The following PRRX2 variants were observed in gnomAD, a reference collection of about 807,000 sequenced individuals.
The protein encoded by PRRX2 is paired mesoderm homeobox protein 2.
In PRRX2, 11 loss-of-function variants were observed where a neutral mutation model predicts 18.0. The observed-to-expected ratio is 0.61, with a 90% CI of 0.39 to 1.01. PRRX2 has a LOEUF of 1.01. Ranked by LOEUF, PRRX2 falls within the 50% of genes least tolerant of loss-of-function variation. The pLI is 0.01. For missense variants in PRRX2, 387 were observed against 351.0 expected, an observed-to-expected ratio of 1.10 and a Z score of -0.82; for synonymous variants, 177 against 154.8, an observed-to-expected ratio of 1.14 and a Z score of -1.06.
At chr9:129,718,364 C>T (rs1832741758) in intron 1 of PRRX2, among the ~76,000 whole-genome samples, 1 of 152,182 alleles carries the variant, frequency 6.6e-6, no homozygotes, top group African/African-American at 2.4e-5. Flanking sequence ...GCTGAGCATC[C>T]TCCCGTGCCC....
At chr9:129,718,406 C>T (rs114799842) in intron 1 of PRRX2, among the ~76,000 whole-genome samples, 2,671 of 152,274 alleles carry the variant, frequency 0.018, 82 homozygotes, top group African/African-American at 0.06. Context: ...CACCCCACGG[C>T]CCCACCAAAG....
chr9:129,696,841 C>G (rs180776111), intron 1 of PRRX2, among the ~76,000 whole-genome samples: 29 of 152,198 alleles, frequency 1.9e-4, no homozygotes, highest in South Asian at 4.2e-4. Context: ...AGGGGCGCCC[C>G]GGGTGAAGGT....
At chr9:129,708,871 G>A (rs895311495) in intron 1 of PRRX2, among the ~76,000 whole-genome samples, 1 of 152,178 alleles carries the variant, frequency 6.6e-6, no homozygotes, top group Non-Finnish European at 1.5e-5. Flanking sequence ...CTGGTCCTGG[G>A]GATACAGCAT....
intron 1 of PRRX2, among the ~76,000 whole-genome samples, chr9:129,712,110 G>C (rs982138484): frequency 6.6e-6 from 1 of 152,208 alleles, no homozygotes; most frequent in African/African-American, 2.4e-5. Context: ...GCTCCTCTGA[G>C]AAGGCCCAGT....
intron 1 of PRRX2, among the ~76,000 whole-genome samples, chr9:129,692,362 A>T (rs1407911244): frequency 1.4e-5 from 2 of 147,354 alleles, no homozygotes. Context: ...CCCCCACCAG[A>T]GTGTTACATT....
intron 1 of PRRX2, among the ~76,000 whole-genome samples, chr9:129,691,617 C>T (rs1038598419): frequency 2.6e-5 from 4 of 151,904 alleles, no homozygotes; most frequent in African/African-American, 9.7e-5. Flanking sequence ...TTAAGGATCT[C>T]CTCCCCCACA....
intron 2 of PRRX2, among the ~76,000 whole-genome samples, chr9:129,719,933 G>A (rs1042262281): frequency 1.3e-5 from 2 of 152,228 alleles, no homozygotes; most frequent in East Asian, 1.9e-4. Context: ...GTTGCAGTAA[G>A]CTGAGATTGC....
chr9:129,676,616 T>TCAGA (rs1832164802), intron 1 of PRRX2, among the ~76,000 whole-genome samples: 1 of 152,186 alleles, frequency 6.6e-6, no homozygotes, highest in South Asian at 2.1e-4. Context: ...GCCCCTGCCC[T>TCAGA]CAGACGGCTT....
intron 3 of PRRX2, among the ~76,000 whole-genome samples, chr9:129,721,489 C>T (rs368699911): frequency 9.9e-5 from 15 of 152,050 alleles, no homozygotes; most frequent in Admixed American, 2.6e-4. Context: ...TTCGTGGGTC[C>T]GCTTGAGGGT....
intron 1 of PRRX2, among the ~76,000 whole-genome samples, chr9:129,684,513 CA>C (rs770158750): frequency 0.023 from 1,011 of 44,254 alleles, 16 homozygotes; most frequent in South Asian, 0.1. Flanking sequence ...CACACACACA[CA>C]CACACACACC....
At chr9:129,676,520 A>C (rs1360675867) in intron 1 of PRRX2, among the ~76,000 whole-genome samples, 1 of 152,200 alleles carries the variant, frequency 6.6e-6, no homozygotes, top group Non-Finnish European at 1.5e-5. Flanking sequence ...GCCCAAGGTC[A>C]CACAGGGGGT....
At chr9:129,673,362 C>G (rs1293818995) in intron 1 of PRRX2, among the ~76,000 whole-genome samples, 2 of 152,170 alleles carry the variant, frequency 1.3e-5, no homozygotes, top group Admixed American at 1.3e-4. Flanking sequence ...GATGCTGAGA[C>G]AGGAGGATCC....
chr9:129,685,996 G>A (rs1165444115), intron 1 of PRRX2, among the ~76,000 whole-genome samples: 1 of 152,240 alleles, frequency 6.6e-6, no homozygotes, highest in African/African-American at 2.4e-5. Flanking sequence ...AAGAAGAGAG[G>A]TGAGGGCTGG....
chr9:129,667,719 G>A (rs1174098455), intron 1 of PRRX2, among the ~76,000 whole-genome samples: 3 of 152,162 alleles, frequency 2.0e-5, no homozygotes, highest in Non-Finnish European at 2.9e-5. Flanking sequence ...AGGGAAGGCC[G>A]TGCTTCTCCC....
intron 1 of PRRX2, among the ~76,000 whole-genome samples, chr9:129,697,658 C>T (rs938297518): frequency 5.9e-5 from 9 of 151,942 alleles, no homozygotes; most frequent in Non-Finnish European, 1.3e-4. Flanking sequence ...AGACCCCCGC[C>T]CAGCAAGCCA....
At chr9:129,696,052 A>G (rs894421) in intron 1 of PRRX2, among the ~76,000 whole-genome samples, 8,268 of 151,930 alleles carry the variant, frequency 0.054, 491 homozygotes, top group East Asian at 0.35. Flanking sequence ...AGCCCATAGG[A>G]GCTAAAGTCC....
chr9:129,690,652 G>A (rs961683174), intron 1 of PRRX2, among the ~76,000 whole-genome samples: 7 of 151,918 alleles, frequency 4.6e-5, no homozygotes, highest in African/African-American at 1.5e-4. Context: ...GATTACAGAT[G>A]CCTGCCACCA....
At chr9:129,682,880 G>A (rs1287769326) in intron 1 of PRRX2, among the ~76,000 whole-genome samples, 3 of 152,032 alleles carry the variant, frequency 2.0e-5, no homozygotes, top group African/African-American at 4.8e-5. Context: ...CGGAGTGGGC[G>A]GATCACCTGA....
intron 1 of PRRX2, chr9:129,718,635 C>G (rs180803868): frequency 1.3e-5 from 2 of 152,240 alleles, no homozygotes; most frequent in Non-Finnish European, 2.9e-5. Flanking sequence ...AACTTGGGCC[C>G]GAGACCATAG....
Sources: allele counts gnomAD v4.1 joint callset (sites outside exome capture counted in the v4.1 genomes callset), GRCh38; gene constraint gnomAD v4.1.1; transcripts MANE v1.5; gene names NCBI Gene and HGNC (gene_info 2026-07-23, HGNC 2026-07-21).